The following RBFOX1 variants were observed in gnomAD, a reference collection of about 807,000 sequenced individuals.
The protein encoded by RBFOX1 is RNA binding fox-1 homolog 1, also known as RNA binding protein fox-1 homolog 1.
RBFOX1 carries 8 observed loss-of-function variants against 57.7 expected under a neutral mutation model. The ratio of observed to expected loss-of-function variants is 0.14; its 90% CI spans 0.08 to 0.25. RBFOX1 has a LOEUF of 0.25. Among genes scored for constraint, RBFOX1 ranks in the 10% least tolerant of loss-of-function variants. The probability of loss-of-function intolerance (pLI) is 1.00; values close to 1 mark genes in which losing one functional copy is unlikely to be tolerated. For missense variants in RBFOX1, 611 were observed against 548.5 expected (o/e 1.11, Z -1.14); for synonymous variants, 326 against 222.4 (o/e 1.47, Z -4.15).
At position 6,738,079 on chromosome 16, in the gene RBFOX1, T is replaced by TA. The variant is rs60577324; in HGVS notation, c.-16+83443dup. 2.0e-3 allele frequency among the ~76,000 whole-genome samples: 279 copies of TA among 140,212 alleles called. 2 individuals carry two copies. Among genetic ancestry groups the TA allele is most frequent in the East Asian group, 0.014 (71 of 4,906 alleles). 92.0% of individuals were successfully genotyped at this position (140,212 alleles called of 152,430 possible). A position where few individuals can be genotyped will look rare whatever the true frequency, so the allele number is the denominator to read the frequency against. ...TCTCTTTTTTTTTTGCGGTAATTCT[T>TA]AAAAAAAAAAAAAAGTCAGGCATTT... On this transcript the variant is annotated intron_variant, in intron 3 of 15. Coordinates refer to ENST00000550418, the MANE Select transcript of RBFOX1 (RefSeq NM_018723.4).
intron 1 of RBFOX1, among the ~76,000 whole-genome samples, chr16:6,113,930 G>C (rs1451719359): frequency 6.6e-6 from 1 of 152,260 alleles, no homozygotes; most frequent in Non-Finnish European, 1.5e-5. Flanking sequence ...ATTACGATCT[G>C]ATACTCTAGG....
chr16:7,071,177 G>C (rs1245301039), intron 4 of RBFOX1, among the ~76,000 whole-genome samples: 2 of 151,994 alleles, frequency 1.3e-5, no homozygotes, highest in Non-Finnish European at 2.9e-5. Context: ...GACTAGTATT[G>C]GTTCTTAGGT....
intron 4 of RBFOX1, among the ~76,000 whole-genome samples, chr16:7,378,392 G>T (rs562993766): frequency 1.3e-5 from 2 of 152,238 alleles, no homozygotes; most frequent in East Asian, 3.9e-4. Flanking sequence ...AAGCCCCCTG[G>T]AGAGTCCCTG....
chr16:7,032,686 G>T (rs552227624), intron 3 of RBFOX1, among the ~76,000 whole-genome samples: 18 of 151,904 alleles, frequency 1.2e-4, no homozygotes, highest in Non-Finnish European at 2.5e-4. Flanking sequence ...TAATTCCAGT[G>T]AACACATGGT....
intron 2 of RBFOX1, among the ~76,000 whole-genome samples, chr16:6,626,082 C>G (rs1196110365): frequency 6.6e-6 from 1 of 151,650 alleles, no homozygotes. Flanking sequence ...TGAAGTCACA[C>G]CAATATGCGT....
intron 4 of RBFOX1, among the ~76,000 whole-genome samples, chr16:5,984,974 ATATT>A (rs1443549120): frequency 0.11 from 6,122 of 54,136 alleles, 48 homozygotes; most frequent in Non-Finnish European, 0.14. Context: ...ATATATATAT[ATATT>A]TTTTTTTTTT....
At chr16:6,092,635 T>C (rs1461991339) in intron 1 of RBFOX1, 2 of 152,220 alleles carry the variant, frequency 1.3e-5, no homozygotes, top group Non-Finnish European at 2.9e-5. Flanking sequence ...GTACCATTTA[T>C]TGAATAGGGA....
intron 4 of RBFOX1, among the ~76,000 whole-genome samples, chr16:5,984,453 C>T (rs2060241622): frequency 6.6e-6 from 1 of 151,748 alleles, no homozygotes; most frequent in Non-Finnish European, 1.5e-5. Context: ...AAATTATTAT[C>T]CAGCCATAGT....
intron 4 of RBFOX1, among the ~76,000 whole-genome samples, chr16:7,162,071 C>G (rs996763199): frequency 6.6e-6 from 1 of 152,174 alleles, no homozygotes; most frequent in Non-Finnish European, 1.5e-5. Flanking sequence ...AGAGCTGCAG[C>G]CAGCTCCTCA....
At chr16:6,170,570 T>C (rs561798926) in intron 1 of RBFOX1, among the ~76,000 whole-genome samples, 1 of 152,320 alleles carries the variant, frequency 6.6e-6, no homozygotes, top group East Asian at 1.9e-4. Flanking sequence ...CTCATGGTGC[T>C]ATTAATTATG....
At chr16:6,161,253 G>T (rs776247506) in intron 1 of RBFOX1, among the ~76,000 whole-genome samples, 61 of 152,180 alleles carry the variant, frequency 4.0e-4, no homozygotes, top group Non-Finnish European at 6.6e-4. Context: ...GCTTGGCATG[G>T]TGGTGCACGC....
At chr16:6,814,890 T>C (rs1399798866) in intron 3 of RBFOX1, among the ~76,000 whole-genome samples, 1 of 152,066 alleles carries the variant, frequency 6.6e-6, no homozygotes, top group Non-Finnish European at 1.5e-5. Context: ...AGAAAAGAAT[T>C]TGGGGCGAGT....
intron 4 of RBFOX1, among the ~76,000 whole-genome samples, chr16:7,241,762 T>TC (rs1322600711): frequency 1.3e-5 from 2 of 151,980 alleles, no homozygotes; most frequent in South Asian, 2.1e-4. Flanking sequence ...CATTTTCTCA[T>TC]CCCCCCTTCT....
intron 1 of RBFOX1, among the ~76,000 whole-genome samples, chr16:5,336,729 A>G (rs983639525): frequency 6.6e-6 from 1 of 152,224 alleles, no homozygotes; most frequent in Non-Finnish European, 1.5e-5. Context: ...AGAAGCTGAC[A>G]GGGTTTGGAG....
intron 4 of RBFOX1, among the ~76,000 whole-genome samples, chr16:7,130,433 C>G (rs901388881): frequency 6.6e-6 from 1 of 152,146 alleles, no homozygotes; most frequent in African/African-American, 2.4e-5. Context: ...ACACTTAACA[C>G]TTTTGTGAAC....
chr16:7,574,779 T>C (rs2093162019), intron 5 of RBFOX1, among the ~76,000 whole-genome samples: 2 of 152,084 alleles, frequency 1.3e-5, no homozygotes, highest in South Asian at 4.2e-4. Flanking sequence ...TCCAATCAAG[T>C]TGACACTCAG....
At chr16:5,488,586 GAAGA>G in intron 2 of RBFOX1, among the ~76,000 whole-genome samples, 1 of 22,530 alleles carries the variant, frequency 4.4e-5, no homozygotes, top group Admixed American at 5.6e-4. Context: ...GGTGATGATT[GAAGA>G]TGATGGTGTG....
intron 2 of RBFOX1, among the ~76,000 whole-genome samples, chr16:6,378,524 A>G (rs925118424): frequency 1.3e-5 from 2 of 152,182 alleles, no homozygotes; most frequent in African/African-American, 4.8e-5. Context: ...ACACACAGCC[A>G]TCTCCTGGCT....
intron 3 of RBFOX1, among the ~76,000 whole-genome samples, chr16:6,833,556 G>T (rs1173240101): frequency 6.6e-6 from 1 of 152,146 alleles, no homozygotes; most frequent in Non-Finnish European, 1.5e-5. Flanking sequence ...CTCTCTGACA[G>T]TCTGACCGAT....
Sources: gnomAD v4.1 joint callset for allele counts (sites outside exome capture counted in the v4.1 genomes callset) on GRCh38, gnomAD v4.1.1 for gene constraint, MANE v1.5 for transcripts, NCBI Gene and HGNC (gene_info 2026-07-23, HGNC 2026-07-21) for gene names.